The following SLC39A14 variants were observed in gnomAD, a reference collection of about 807,000 sequenced individuals.
SLC39A14 encodes solute carrier family 39 member 14.
SLC39A14 carries 19 observed loss-of-function variants against 45.5 expected under a neutral mutation model. The observed-to-expected ratio is 0.42, with a 90% CI of 0.29 to 0.61. The LOEUF (loss-of-function observed/expected upper bound fraction) is 0.61, where lower values mean the gene tolerates loss of function less well. Among genes scored for constraint, SLC39A14 ranks in the 20% least tolerant of loss-of-function variants. The pLI is 0.22. For missense variants in SLC39A14, 447 were observed against 616.5 expected, an observed-to-expected ratio of 0.73 and a Z score of 2.91; for synonymous variants, 264 against 251.3, an observed-to-expected ratio of 1.05 and a Z score of -0.48.
chr8:22,393,853 T>A (rs902717892), intron 1 of SLC39A14, among the ~76,000 whole-genome samples: 1 of 152,020 alleles, frequency 6.6e-6, no homozygotes, highest in Admixed American at 6.6e-5. Context: ...TTGCATTTTT[T>A]ATAGAGACAG....
intron 1 of SLC39A14, among the ~76,000 whole-genome samples, chr8:22,370,123 G>T (rs534492780): frequency 6.6e-6 from 1 of 152,182 alleles, no homozygotes; most frequent in East Asian, 1.9e-4. Flanking sequence ...AACAATGCCT[G>T]TGTGTGCCTG....
chr8:22,373,229 C>T (rs1035731759), intron 1 of SLC39A14, among the ~76,000 whole-genome samples: 2 of 149,190 alleles, frequency 1.3e-5, no homozygotes, highest in Non-Finnish European at 2.9e-5. Flanking sequence ...CGCCACTGCA[C>T]TCCAGCCTGG....
chr8:22,370,151 TGTG>T (rs1303395189), intron 1 of SLC39A14, among the ~76,000 whole-genome samples: 2 of 151,102 alleles, frequency 1.3e-5, no homozygotes, highest in Non-Finnish European at 1.5e-5. Flanking sequence ...GGTGTGTGCT[TGTG>T]TGTGTGTGTG....
In SLC39A14 at chr8:22,412,056, C is replaced by T. The variant is rs1160153688; in HGVS notation, c.477C>T (p.Leu159=). ...CGGCAGTGTGGGGATACGGTCTCCTCTGTGTGACCGTCATCTCCCTCTGCT... is the reference window on the plus strand; with the variant it reads ...CGGCAGTGTGGGGATACGGTCTCCTTTGTGTGACCGTCATCTCCCTCTGCT... The part of the protein sequence containing the change: ...SAVEVWGYGL[L]CVTVISLCSL... The change falls in exon 4 of 9, where the codon CTC becomes CTT. Residue 159 remains leucine, a synonymous_variant. Coordinates refer to ENST00000381237, the MANE Select transcript of SLC39A14 (RefSeq NM_001128431.4). The T allele has an allele frequency of 4.5e-6, 7 of 1,551,448 alleles. No individual in the cohort carries two copies. The highest frequency in any genetic ancestry group is 2.7e-5 in the African/African-American group (2 of 73,180).
intron 3 of SLC39A14, 46 bp from the exon 4 acceptor site, chr8:22,411,991 T>C: frequency 6.6e-7 from 1 of 1,521,556 alleles, no homozygotes; most frequent in Non-Finnish European, 8.9e-7. Flanking sequence ...GGCATGTGCC[T>C]TCTCTCCCTG....
downstream of SLC39A14, among the ~76,000 whole-genome samples, chr8:22,426,558 T>G (rs571299224): frequency 1.4e-3 from 207 of 152,316 alleles, 1 homozygote; most frequent in Non-Finnish European, 2.5e-3. Context: ...TCCCTAAGAA[T>G]AAACTCAGGC....
At chr8:22,415,018 G>T (rs1330243212) in intron 5 of SLC39A14, 116 bp downstream of exon 5, 24 of 1,256,218 alleles carry the variant, frequency 1.9e-5, no homozygotes, top group Non-Finnish European at 2.5e-5. Flanking sequence ...CAATTTCCGT[G>T]AAACTCTAAT....
At chr8:22,416,982 C>T (rs1237908674) in intron 7 of SLC39A14, among the ~76,000 whole-genome samples, 1 of 152,134 alleles carries the variant, frequency 6.6e-6, no homozygotes, top group Non-Finnish European at 1.5e-5. Context: ...GTTAATCTTC[C>T]AAAGGCTCAG....
chr8:22,413,320 C>T (rs764907222), intron 4 of SLC39A14, among the ~76,000 whole-genome samples: 8 of 152,122 alleles, frequency 5.3e-5, no homozygotes, highest in Non-Finnish European at 1.0e-4. Flanking sequence ...TCCATGGCAT[C>T]GATAGAACAA....
In SLC39A14 at chr8:22,422,658, TAAAG is replaced by T. The variant is rs1836294425; in HGVS notation, c.*2961_*2964del. ...TGTTTTATTTGTAAGATTCTATAAA[TAAAG>T]CTATATTCTGTAATTGTTGAGAATC... is the stretch of plus-strand genomic sequence containing the variant. On this transcript the variant is annotated 3_prime_UTR_variant, in exon 9 of 9. Coordinates refer to ENST00000381237, the MANE Select transcript of SLC39A14 (RefSeq NM_001128431.4). 2.0e-6 allele frequency: 2 copies of T among 983,828 alleles called. No individual in the cohort carries two copies. Among genetic ancestry groups the T allele is most frequent in the African/African-American group, 1.7e-5 (1 of 57,204 alleles). The allele number at this position is 983,828 out of a possible 1,614,324, so 60.9% of individuals were successfully genotyped here.
At chr8:22,373,149 GC>G (rs1833025457) in intron 1 of SLC39A14, among the ~76,000 whole-genome samples, 1 of 151,764 alleles carries the variant, frequency 6.6e-6, no homozygotes, top group Non-Finnish European at 1.5e-5. Context: ...TGTAGTCCCA[GC>G]TACTCTGGAG....
At chr8:22,394,541 G>C (rs929688356) in intron 1 of SLC39A14, among the ~76,000 whole-genome samples, 26 of 149,386 alleles carry the variant, frequency 1.7e-4, no homozygotes, top group African/African-American at 5.9e-4. Context: ...GGATGGTCTT[G>C]ATCTCCTGAC....
chr8:22,418,449 T>A (rs1379275902), intron 8 of SLC39A14, among the ~76,000 whole-genome samples: 1 of 152,204 alleles, frequency 6.6e-6, no homozygotes, highest in Non-Finnish European at 1.5e-5. Context: ...AAATTACGCA[T>A]AATCATACAT....
chr8:22,371,041 C>T (rs369092883), intron 1 of SLC39A14, among the ~76,000 whole-genome samples: 2 of 152,280 alleles, frequency 1.3e-5, no homozygotes, highest in African/African-American at 2.4e-5. Context: ...CTACCGTGGG[C>T]ATTAAACCTC....
At chr8:22,416,050 C>G in intron 6 of SLC39A14, 23 bp from the exon 7 acceptor site, 3 of 1,613,318 alleles carry the variant, frequency 1.9e-6, no homozygotes, top group Non-Finnish European at 2.5e-6. Flanking sequence ...CGCTGTGGGC[C>G]CTGGGGGTGT....
At position 22,404,541 on chromosome 8, in the gene SLC39A14, A is replaced by G. The variant is rs76009801; in HGVS notation, c.-15-155A>G. On this transcript the variant is annotated intron_variant, in intron 1 of 8. Coordinates refer to ENST00000381237, the MANE Select transcript of SLC39A14 (RefSeq NM_001128431.4). ...TATTCGTTTTTATTCTGTGCTTTCA[A>G]AAGAAGGGTTTTTCTCAAAGGCTAA... 0.011 allele frequency: 6,604 copies of G among 610,866 alleles called. 324 individuals are homozygous for G. The African/African-American group carries it at 0.12, about 11-fold the overall frequency. The allele number at this position is 610,866 out of a possible 1,614,324, so 37.8% of individuals were successfully genotyped here. A position where few individuals can be genotyped will look rare whatever the true frequency, so the allele number is the denominator to read the frequency against.
At chr8:22,390,968 C>G (rs909985777) in intron 1 of SLC39A14, among the ~76,000 whole-genome samples, 76 of 152,230 alleles carry the variant, frequency 5.0e-4, no homozygotes, top group Non-Finnish European at 1.9e-4. Flanking sequence ...TGGCTCATGG[C>G]AAGGACAGTG....
chr8:22,401,533 T>G (rs908797262), intron 1 of SLC39A14, among the ~76,000 whole-genome samples: 1 of 144,694 alleles, frequency 6.9e-6, no homozygotes, highest in Non-Finnish European at 1.5e-5. Context: ...TTTCTCTTTC[T>G]CTTCTCTTTC....
intron 8 of SLC39A14, 114 bp from the exon 9 acceptor site, chr8:22,419,438 C>A: frequency 1.0e-6 from 1 of 997,032 alleles, no homozygotes; most frequent in Non-Finnish European, 1.5e-6. Context: ...CTGCACCTGG[C>A]CCTGATAATT....
Sources: allele counts gnomAD v4.1 joint callset (sites outside exome capture counted in the v4.1 genomes callset), GRCh38; gene constraint gnomAD v4.1.1; transcripts MANE v1.5; gene names NCBI Gene and HGNC (gene_info 2026-07-23, HGNC 2026-07-21).